Variants in CORO7 observed in about 807,000 individuals in gnomAD.
CORO7 encodes coronin 7.
Under a neutral mutation model 126.6 loss-of-function variants are expected in CORO7, and 107 were observed. The ratio of observed to expected loss-of-function variants is 0.85; its 90% CI spans 0.72 to 0.99. CORO7 has a LOEUF of 0.99. Ranked by LOEUF, CORO7 falls within the 50% of genes least tolerant of loss-of-function variation. CORO7 has a pLI of 0.00. For synonymous variants in CORO7, 603 were observed against 536.8 expected, an observed-to-expected ratio of 1.12 and a Z score of -1.70; for missense variants, 1,314 against 1,255.8, an observed-to-expected ratio of 1.05 and a Z score of -0.70.
At chr16:4,405,728 C>T (rs1009606047) in intron 5 of CORO7, among the ~76,000 whole-genome samples, 161 bp from the exon 6 acceptor site, 13 of 150,770 alleles carry the variant, frequency 8.6e-5, no homozygotes, top group Non-Finnish European at 1.8e-4. Context: ...AGACAGGCTT[C>T]CCCTGCACCA....
chr16:4,394,033 G>A (rs979249393), intron 7 of CORO7, among the ~76,000 whole-genome samples: 7 of 151,970 alleles, frequency 4.6e-5, no homozygotes, highest in Admixed American at 1.3e-4. Flanking sequence ...CCTAGGAGGC[G>A]GAGTTTCCAG....
At chr16:4,364,185 C>CAAA in intron 14 of CORO7, 91 bp downstream of exon 14, 9 of 1,130,306 alleles carry the variant, frequency 8.0e-6, no homozygotes, top group South Asian at 4.2e-5. Context: ...GACACTGTCT[C>CAAA]AAAAAAAAAA....
At chr16:4,373,146 G>C (rs1053726444) in intron 9 of CORO7, among the ~76,000 whole-genome samples, 1 of 152,122 alleles carries the variant, frequency 6.6e-6, no homozygotes, top group African/African-American at 2.4e-5. Flanking sequence ...CAGGCGGGTG[G>C]GGGATGGGGA....
chr16:4,375,161 C>T (rs1008854570), intron 9 of CORO7, among the ~76,000 whole-genome samples: 2 of 152,228 alleles, frequency 1.3e-5, no homozygotes, highest in Non-Finnish European at 1.5e-5. Flanking sequence ...TGGGGCCTGG[C>T]CTTAGTCACT....
chr16:4,375,363 A>AGACGAGCT (rs1280547128), intron 9 of CORO7, among the ~76,000 whole-genome samples: 1 of 152,248 alleles, frequency 6.6e-6, no homozygotes, highest in Non-Finnish European at 1.5e-5. Context: ...CTGCACAGGA[A>AGACGAGCT]GACGAGCTGA....
intron 7 of CORO7, among the ~76,000 whole-genome samples, chr16:4,391,808 C>T (rs936281406): frequency 6.6e-5 from 10 of 152,240 alleles, no homozygotes; most frequent in Non-Finnish European, 1.3e-4. Context: ...ACAGGGGCTG[C>T]AGCTGGGACC....
At position 4,413,401 on chromosome 16, in the gene CORO7, A is replaced by G; in HGVS notation, c.64T>C (p.Trp22Arg). The G allele has an allele frequency of 1.9e-6, 3 of 1,568,744 alleles. No individual in the cohort carries two copies. Among genetic ancestry groups the G allele is most frequent in the Non-Finnish European group, 2.6e-6 (3 of 1,155,358 alleles). The stretch of plus-strand genomic sequence containing the variant: ...GTTCCTGCTCGAATGTCACTGATCC[A>G]GGACTGAAAATCAAGAGTAAAGAAG... ...TEARPPRRES[W>R]ISDIRAGTAP... Residue 22 changes from tryptophan (W) to arginine (R), a missense_variant, in exon 2 of 28, where the codon TGG becomes CGG. Coordinates refer to ENST00000251166, the MANE Select transcript of CORO7 (RefSeq NM_024535.5).
At chr16:4,385,075 G>C (rs984232201) in intron 9 of CORO7, among the ~76,000 whole-genome samples, 2 of 152,176 alleles carry the variant, frequency 1.3e-5, no homozygotes, top group African/African-American at 4.8e-5. Context: ...AACCCAGCCA[G>C]GGGGCGACCA....
At chr16:4,399,245 T>A (rs1238001000) in intron 6 of CORO7, among the ~76,000 whole-genome samples, 1 of 152,214 alleles carries the variant, frequency 6.6e-6, no homozygotes, top group Non-Finnish European at 1.5e-5. Flanking sequence ...CAAGATCTAC[T>A]GATGGATAAA....
rs1415487188 is a variant in CORO7, at chr16:4,361,998, A to G, written c.1565T>C (p.Val522Ala). ...AVPLLSSGGQVAVLELRKPGR... is the reference protein window; with the variant it reads ...AVPLLSSGGQAAVLELRKPGR... The stretch of plus-strand genomic sequence containing the variant: ...TGGGGCCCTCACCTCAAGCACAGCC[A>G]CCTGTCCCCCGCTGCTGAGCAGCGG... Residue 522 changes from valine to alanine, a missense_variant, in exon 16 of 28, where the codon GTG becomes GCG. By Grantham distance (64) the Val-to-Ala change is moderately conservative (BLOSUM62 0). Coordinates refer to ENST00000251166, the MANE Select transcript of CORO7 (RefSeq NM_024535.5). 1 of 1,608,668 alleles carries G rather than the reference A, an allele frequency of 6.2e-7. No individual in the cohort carries two copies. Among genetic ancestry groups the G allele is most frequent in the African/African-American group, 1.3e-5 (1 of 74,788 alleles).
At chr16:4,368,854 G>A in intron 9 of CORO7, among the ~76,000 whole-genome samples, 1 of 152,176 alleles carries the variant, frequency 6.6e-6, no homozygotes, top group Non-Finnish European at 1.5e-5. Flanking sequence ...ACAGAGTAGG[G>A]ATCACACTGG....
intron 9 of CORO7, chr16:4,382,646 TG>T: frequency 6.4e-7 from 1 of 1,555,800 alleles, no homozygotes. Flanking sequence ...CTGGCCGCGC[TG>T]GCTGCGGTGG....
intron 6 of CORO7, chr16:4,397,284 A>G (rs2055630771): frequency 6.6e-6 from 1 of 151,084 alleles, no homozygotes; most frequent in African/African-American, 2.4e-5. Flanking sequence ...CTCTACCAAA[A>G]ATACAAAAAT....
chr16:4,385,067 C>T (rs2055147121), intron 9 of CORO7, among the ~76,000 whole-genome samples: 1 of 152,118 alleles, frequency 6.6e-6, no homozygotes, highest in South Asian at 2.1e-4. Context: ...AAGGGGAGAA[C>T]CCAGCCAGGG....
At chr16:4,390,722 GAAGCCTA>G (rs1473693869) in intron 7 of CORO7, among the ~76,000 whole-genome samples, 1 of 152,304 alleles carries the variant, frequency 6.6e-6, no homozygotes, top group East Asian at 1.9e-4. Context: ...TCACATGTGG[GAAGCCTA>G]AAGGCACAGA....
chr16:4,416,166 C>A (rs992678687), intron 1 of CORO7, among the ~76,000 whole-genome samples: 9 of 152,090 alleles, frequency 5.9e-5, no homozygotes, highest in Non-Finnish European at 8.8e-5. Flanking sequence ...CAGGCCTGGG[C>A]CCCGGCTAGG....
At chr16:4,387,785 C>G (rs556611047) in intron 9 of CORO7, 1 of 641,120 alleles carries the variant, frequency 1.6e-6, no homozygotes. Context: ...AGAGGGGCAC[C>G]TGAGCACCTG....
At position 4,365,042 on chromosome 16, in the gene CORO7, A is replaced by T. The variant is rs748385088; in HGVS notation, c.859T>A (p.Cys287Ser). The T allele has an allele frequency of 2.4e-5, 39 of 1,604,042 alleles. No homozygotes were observed. The highest frequency in any genetic ancestry group is 3.3e-5 in the Non-Finnish European group (39 of 1,175,684). ...LAGKGERQLYCYEVVPQQPAL... is the reference protein window; with the variant it reads ...LAGKGERQLYSYEVVPQQPAL... ...GGCTGCTGCGGGACCACCTCGTAAC[A>T]GTACAGCTGCCTCTCGCCCTGAAAT... The change falls in exon 11 of 28, where the codon TGT (cysteine) becomes AGT (serine). Residue 287 changes from cysteine (C) to serine (S), a missense_variant. Transcript: ENST00000251166.
rs773708907 is a variant in CORO7 at position 4,408,178 on chromosome 16, C to G, written c.303+3G>C. 4.3e-6 allele frequency: 7 copies of G among 1,614,022 alleles called. No homozygotes were observed. Among genetic ancestry groups the G allele is most frequent in the Non-Finnish European group, 5.9e-6 (7 of 1,180,004 alleles). On this transcript the variant is annotated splice_donor_region_variant and intron_variant, in intron 4 of 27. Coordinates refer to ENST00000251166, the MANE Select transcript of CORO7 (RefSeq NM_024535.5). ...AGCAGCTCTTCCAACTGGCTCCACT[C>G]ACCGTCCTGTCAGCCGAGCCTGTGG...
Sources: gnomAD v4.1 joint callset for allele counts (sites outside exome capture counted in the v4.1 genomes callset) on GRCh38, gnomAD v4.1.1 for gene constraint, MANE v1.5 for transcripts, NCBI Gene and HGNC (gene_info 2026-07-23, HGNC 2026-07-21) for gene names.